ADARB2: variants seen among roughly 807,000 people sequenced by gnomAD.
ADARB2 encodes inactive double-stranded RNA-specific editase B2.
ADARB2 carries 25 observed loss-of-function variants against 62.2 expected under a neutral mutation model. The ratio of observed to expected loss-of-function variants is 0.40; its 90% CI spans 0.29 to 0.56. The LOEUF (loss-of-function observed/expected upper bound fraction) is 0.56. ADARB2 is among the 20% of genes least tolerant of loss of function. The pLI is 0.43. For synonymous variants in ADARB2, 572 were observed against 500.8 expected (o/e 1.14, Z -1.90); for missense variants, 1,071 against 1,077.4 (o/e 0.99, Z 0.08).
chr10:1,384,747 A>G (rs2820601), intron 1 of ADARB2, among the ~76,000 whole-genome samples: 141,011 of 152,170 alleles, frequency 0.93, 66,307 homozygotes, highest in Non-Finnish European at 1. Context: ...CAAAGTTTGC[A>G]CTGCTGAGAC....
chr10:1,619,674 T>C (rs1833685007), intron 1 of ADARB2, among the ~76,000 whole-genome samples: 1 of 152,168 alleles, frequency 6.6e-6, no homozygotes, highest in Admixed American at 6.5e-5. Flanking sequence ...AGGGTCTCAA[T>C]ATCTTGACCT....
At chr10:1,570,254 A>G (rs1832916874) in intron 1 of ADARB2, among the ~76,000 whole-genome samples, 1 of 152,220 alleles carries the variant, frequency 6.6e-6, no homozygotes, top group Admixed American at 6.5e-5. Flanking sequence ...TGGTGAATAT[A>G]CACTAGGATT....
chr10:1,644,855 G>A (rs567113660), intron 1 of ADARB2, among the ~76,000 whole-genome samples: 2 of 152,278 alleles, frequency 1.3e-5, no homozygotes, highest in East Asian at 1.9e-4. Context: ...TTTATGACTC[G>A]AGATTTCACT....
chr10:1,487,851 G>T (rs954302610), intron 1 of ADARB2, among the ~76,000 whole-genome samples: 1 of 152,114 alleles, frequency 6.6e-6, no homozygotes, highest in Non-Finnish European at 1.5e-5. Context: ...TTAAAAACAC[G>T]TGCCGCGGGT....
In ADARB2 at chr10:1,189,191, G is replaced by T. The variant is rs1449739676; in HGVS notation, c.1865-4152C>A. ...TTCTTTGTTTTATTTATTTTGGCCT[G>T]GGGGAGCCACTTGGTTTCTCAGGAG... On this transcript the variant is annotated intron_variant, in intron 8 of 9. Transcript: ENST00000381312. Among the ~76,000 whole-genome samples, 135 of 152,088 alleles carry T rather than the reference G, an allele frequency of 8.9e-4. 1 individual carries two copies. The highest frequency in any genetic ancestry group is 8.8e-3 in the Admixed American group (134 of 15,272).
At chr10:1,207,623 C>G (rs1283251583) in intron 7 of ADARB2, among the ~76,000 whole-genome samples, 1 of 152,164 alleles carries the variant, frequency 6.6e-6, no homozygotes, top group Non-Finnish European at 1.5e-5. Flanking sequence ...GGAGACGGCA[C>G]TCTGCACAGG....
intron 1 of ADARB2, among the ~76,000 whole-genome samples, chr10:1,526,223 T>G (rs1335966851): frequency 6.7e-6 from 1 of 150,014 alleles, no homozygotes; most frequent in African/African-American, 2.5e-5. Context: ...GCAGGTGGGG[T>G]AGGTGGGGCA....
intron 1 of ADARB2, among the ~76,000 whole-genome samples, chr10:1,615,791 GGGA>G (rs1365536748): frequency 1.1e-4 from 16 of 152,224 alleles, no homozygotes; most frequent in Non-Finnish European, 1.9e-4. Context: ...TGGCAGGGCA[GGGA>G]CTGTTGTCCT....
At chr10:1,732,777 A>C (rs1835250175) in intron 1 of ADARB2, among the ~76,000 whole-genome samples, 1 of 152,182 alleles carries the variant, frequency 6.6e-6, no homozygotes. Flanking sequence ...CTCTGCCCTC[A>C]TCCTCAGCAC....
chr10:1,254,943 C>T (rs1831067490), intron 4 of ADARB2, among the ~76,000 whole-genome samples: 1 of 152,238 alleles, frequency 6.6e-6, no homozygotes, highest in Non-Finnish European at 1.5e-5. Context: ...CTGACTCTGT[C>T]CAACTGTGTG....
intron 1 of ADARB2, among the ~76,000 whole-genome samples, chr10:1,580,807 G>T (rs1833088220): frequency 6.6e-6 from 1 of 152,156 alleles, no homozygotes; most frequent in African/African-American, 2.4e-5. Context: ...TGTTTTCATA[G>T]CTTTATGTTT....
At chr10:1,313,751 C>T (rs1831712886) in intron 3 of ADARB2, among the ~76,000 whole-genome samples, 1 of 152,192 alleles carries the variant, frequency 6.6e-6, no homozygotes, top group Non-Finnish European at 1.5e-5. Context: ...ATCGAGGGGC[C>T]TTGCTTGCAC....
intron 1 of ADARB2, among the ~76,000 whole-genome samples, chr10:1,450,253 T>C (rs1263502415): frequency 3.3e-5 from 5 of 152,258 alleles, no homozygotes; most frequent in African/African-American, 1.2e-4. Flanking sequence ...ACAACTCATC[T>C]TATTTTATGC....
intron 1 of ADARB2, among the ~76,000 whole-genome samples, chr10:1,484,058 C>T (rs773702988): frequency 3.9e-5 from 6 of 152,298 alleles, no homozygotes; most frequent in Admixed American, 1.3e-4. Context: ...TCTTGTTCAA[C>T]GAATTGTTCT....
At position 1,509,781 on chromosome 10, in the gene ADARB2, G is replaced by A. The variant is rs375727257; in HGVS notation, c.101-130621C>T. Among the ~76,000 whole-genome samples, 40 of 152,286 alleles carry A rather than the reference G, an allele frequency of 2.6e-4. No individual in the cohort carries two copies. The South Asian group carries it at 7.9e-3, about 30-fold the overall frequency. On this transcript the variant is annotated intron_variant, in intron 1 of 9. Coordinates refer to ENST00000381312, the MANE Select transcript of ADARB2 (RefSeq NM_018702.4). The stretch of plus-strand genomic sequence containing the variant: ...TTTTGGAAAACATTGTAACAGCTGC[G>A]AAATGGAAAGGGGAATTCAGATGAG...
At chr10:1,286,659 A>G (rs1486059767) in intron 3 of ADARB2, among the ~76,000 whole-genome samples, 4 of 152,036 alleles carry the variant, frequency 2.6e-5, no homozygotes, top group African/African-American at 4.8e-5. Flanking sequence ...CTACGGGGCA[A>G]TTGGGGTCTC....
intron 1 of ADARB2, chr10:1,678,303 C>G (rs1834493716): frequency 1.7e-5 from 17 of 985,148 alleles, no homozygotes; most frequent in Non-Finnish European, 2.0e-5. Context: ...GGTGAGCATC[C>G]TCAGGGTGAG....
At chr10:1,488,205 A>G (rs1831567186) in intron 1 of ADARB2, among the ~76,000 whole-genome samples, 1 of 145,210 alleles carries the variant, frequency 6.9e-6, no homozygotes. Flanking sequence ...AGATACAGAC[A>G]TTATCTCAGA....
intron 3 of ADARB2, among the ~76,000 whole-genome samples, chr10:1,302,465 T>C (rs896705306): frequency 1.3e-5 from 2 of 152,166 alleles, no homozygotes; most frequent in African/African-American, 2.4e-5. Context: ...GCGCCCACCA[T>C]TGGCCAGGCT....
Sources: allele counts gnomAD v4.1 joint callset (sites outside exome capture counted in the v4.1 genomes callset), GRCh38; gene constraint gnomAD v4.1.1; transcripts MANE v1.5; gene names NCBI Gene and HGNC (gene_info 2026-07-23, HGNC 2026-07-21).